Variants in AJAP1 observed in about 807,000 individuals in gnomAD.
The protein encoded by AJAP1 is adherens junctions associated protein 1.
AJAP1 carries 5 observed loss-of-function variants against 35.0 expected under a neutral mutation model. The ratio of observed to expected loss-of-function variants is 0.14; its 90% CI spans 0.07 to 0.30. The LOEUF (loss-of-function observed/expected upper bound fraction) is 0.30. Ranked by LOEUF, AJAP1 falls within the 10% of genes least tolerant of loss-of-function variation. The probability of loss-of-function intolerance (pLI) is 1.00; values close to 1 mark genes in which losing one functional copy is unlikely to be tolerated. For missense variants in AJAP1, 586 were observed against 571.0 expected (o/e 1.03, Z -0.27); for synonymous variants, 284 against 249.3 (o/e 1.14, Z -1.31).
chr1:4,728,415 ACACTGC>A (rs1358595174), intron 2 of AJAP1, among the ~76,000 whole-genome samples: 2 of 152,096 alleles, frequency 1.3e-5, no homozygotes, highest in South Asian at 4.1e-4. Flanking sequence ...GAATGCACTC[ACACTGC>A]CACAGCCAAA....
Position 4,683,136 on chromosome 1 carries a change from C to T in AJAP1, c.29+27682C>T, listed in dbSNP as rs532705502. ...TTTGGACTCTTACCTGCTGTGTAAT[C>T]TTGGTTGTAGTACTCCCCTTCTCTG... is the stretch of plus-strand genomic sequence containing the variant. On this transcript the variant is annotated intron_variant, in intron 1 of 5. Transcript: ENST00000378191. Among the ~76,000 whole-genome samples, 17 of 152,324 alleles carry T rather than the reference C, an allele frequency of 1.1e-4. No homozygotes were observed. In the East Asian group the frequency reaches 2.3e-3, roughly 21 times the overall value.
chr1:4,667,722 G>C (rs1229596194), intron 1 of AJAP1, among the ~76,000 whole-genome samples: 1 of 152,190 alleles, frequency 6.6e-6, no homozygotes, highest in East Asian at 1.9e-4. Context: ...CCAGGGTTGG[G>C]GACCCCTTCC....
chr1:4,781,328 GTCACTGACC>G (rs1192726467), intron 5 of AJAP1, among the ~76,000 whole-genome samples: 2 of 152,194 alleles, frequency 1.3e-5, no homozygotes, highest in East Asian at 3.9e-4. Flanking sequence ...AGGACTGGCA[GTCACTGACC>G]TCACCTGGGG....
chr1:4,675,341 G>T (rs1358901845), intron 1 of AJAP1, among the ~76,000 whole-genome samples: 1 of 152,238 alleles, frequency 6.6e-6, no homozygotes, highest in African/African-American at 2.4e-5. Context: ...GACACGCGTG[G>T]GGCAGAGGCC....
intron 2 of AJAP1, among the ~76,000 whole-genome samples, chr1:4,760,266 C>T (rs1440011056): frequency 2.0e-5 from 3 of 149,074 alleles, no homozygotes; most frequent in Non-Finnish European, 4.5e-5. Flanking sequence ...CATGTGTGTC[C>T]GTGTATGTGT....
rs190126948 is a variant in AJAP1, at chr1:4,674,141, G to A, written c.29+18687G>A. On this transcript the variant is annotated intron_variant, in intron 1 of 5. Coordinates refer to ENST00000378191, the MANE Select transcript of AJAP1 (RefSeq NM_018836.4). ...ATATTTTGGTTAAATCTGGCCACCCGATTTCCAGAGACTGCAAATCGGCCA... is the reference window on the plus strand; with the variant it reads ...ATATTTTGGTTAAATCTGGCCACCCAATTTCCAGAGACTGCAAATCGGCCA... Among the ~76,000 whole-genome samples, 23 of 149,484 alleles carry A rather than the reference G, an allele frequency of 1.5e-4. No individual in the cohort carries two copies. The East Asian group carries it at 4.0e-3, about 26-fold the overall frequency.
At chr1:4,761,333 G>C (rs1370809006) in intron 2 of AJAP1, among the ~76,000 whole-genome samples, 1 of 152,202 alleles carries the variant, frequency 6.6e-6, no homozygotes, top group Non-Finnish European at 1.5e-5. Context: ...CTTGTCCCCT[G>C]GGCTCTCTCT....
At chr1:4,706,302 T>C (rs1640099225) in intron 1 of AJAP1, among the ~76,000 whole-genome samples, 1 of 152,200 alleles carries the variant, frequency 6.6e-6, no homozygotes, top group South Asian at 2.1e-4. Context: ...CTATTGATCG[T>C]AGAAGCACGG....
intron 1 of AJAP1, among the ~76,000 whole-genome samples, chr1:4,691,259 C>A (rs1051594373): frequency 6.6e-6 from 1 of 152,180 alleles, no homozygotes; most frequent in African/African-American, 2.4e-5. Context: ...GGGTGCTCCT[C>A]CCTCCCTCCT....
At position 4,716,286 on chromosome 1, in the gene AJAP1, GCCTGTCTT is replaced by G. The variant is rs1411086749; in HGVS notation, c.829+3589_829+3596del. On this transcript the variant is annotated intron_variant, in intron 2 of 5. Coordinates refer to ENST00000378191, the MANE Select transcript of AJAP1 (RefSeq NM_018836.4). ...CAGGGTAATGGTTAAGAGTCCCACTGCCTGTCTTCAAATTCCTGGCTTCAGCTCATGAT... is the reference window on the plus strand; with the variant it reads ...CAGGGTAATGGTTAAGAGTCCCACTGCAAATTCCTGGCTTCAGCTCATGAT... Among the ~76,000 whole-genome samples, 9 of 152,220 alleles carry G rather than the reference GCCTGTCTT, an allele frequency of 5.9e-5. 1 individual carries two copies. Among genetic ancestry groups the G allele is most frequent in the African/African-American group, 2.2e-4 (9 of 41,464 alleles).
chr1:4,736,290 G>A (rs1371628023), intron 2 of AJAP1, among the ~76,000 whole-genome samples: 1 of 152,184 alleles, frequency 6.6e-6, no homozygotes, highest in East Asian at 1.9e-4. Flanking sequence ...CCCCAAGAAA[G>A]TTCAAGCTCT....
chr1:4,719,285 T>C (rs1640465602), intron 2 of AJAP1, among the ~76,000 whole-genome samples: 1 of 152,190 alleles, frequency 6.6e-6, no homozygotes, highest in Admixed American at 6.5e-5. Flanking sequence ...AGGAGCGGGA[T>C]GAGGAGTTGC....
chr1:4,717,567 A>T (rs16839502), intron 2 of AJAP1, among the ~76,000 whole-genome samples: 16,043 of 152,212 alleles, frequency 0.11, 1,714 homozygotes, highest in African/African-American at 0.27. Flanking sequence ...GAATTCACTC[A>T]TGCATTTCTA....
In AJAP1 at chr1:4,785,955, C is replaced by T. The variant is rs908222424; in HGVS notation, c.*3470C>T. 2.0e-5 allele frequency: 3 copies of T among 152,174 alleles called. No individual in the cohort carries two copies. Among genetic ancestry groups the T allele is most frequent in the Non-Finnish European group, 2.9e-5 (2 of 68,034 alleles). 9.4% of individuals were successfully genotyped at this position (152,174 alleles called of 1,614,324 possible). A position where few individuals can be genotyped will look rare whatever the true frequency, so the allele number is the denominator to read the frequency against. The stretch of plus-strand genomic sequence containing the variant: ...AATGCACTCCTTGTACAGTCCAGTC[C>T]GTTTTCAGACAAAGTCGCTGCTAGT... On this transcript the variant is annotated 3_prime_UTR_variant, in exon 6 of 6. Transcript: ENST00000378191.
At chr1:4,778,192 T>A (rs1295315919) in intron 5 of AJAP1, among the ~76,000 whole-genome samples, 1 of 152,168 alleles carries the variant, frequency 6.6e-6, no homozygotes, top group Admixed American at 6.6e-5. Context: ...CAGATCCCGA[T>A]CTGGAAGATG....
intron 3 of AJAP1, among the ~76,000 whole-genome samples, chr1:4,771,610 G>A (rs1037095181): frequency 2.6e-5 from 4 of 152,162 alleles, no homozygotes; most frequent in African/African-American, 4.8e-5. Context: ...CTGGACAGAC[G>A]AGGGTAGGAG....
At chr1:4,699,103 TC>T (rs1639929590) in intron 1 of AJAP1, among the ~76,000 whole-genome samples, 1 of 152,246 alleles carries the variant, frequency 6.6e-6, no homozygotes, top group Admixed American at 6.5e-5. Context: ...CTGGTCATTG[TC>T]ACACCCACCC....
intron 2 of AJAP1, among the ~76,000 whole-genome samples, chr1:4,737,904 A>G (rs902093572): frequency 1.3e-5 from 2 of 152,154 alleles, no homozygotes; most frequent in African/African-American, 4.8e-5. Context: ...CCTCTTTCAA[A>G]AAAACCAAAA....
intron 4 of AJAP1, among the ~76,000 whole-genome samples, chr1:4,772,901 C>T (rs1325325623): frequency 1.3e-5 from 2 of 152,158 alleles, no homozygotes; most frequent in Non-Finnish European, 2.9e-5. Flanking sequence ...GCCCCCCGAC[C>T]GGAGTCAGCG....
Sources: allele counts gnomAD v4.1 joint callset (sites outside exome capture counted in the v4.1 genomes callset), GRCh38; gene constraint gnomAD v4.1.1; transcripts MANE v1.5; gene names NCBI Gene and HGNC (gene_info 2026-07-23, HGNC 2026-07-21).